DISP1: variants seen among roughly 807,000 people sequenced by gnomAD.
DISP1 encodes the protein dispatched RND transporter family member 1.
A neutral mutation model predicts 37.3 loss-of-function variants in DISP1; 30 were observed. That is an observed-to-expected ratio of 0.80 (90% CI 0.60 to 1.09). The LOEUF (loss-of-function observed/expected upper bound fraction) is 1.09, where lower values mean the gene tolerates loss of function less well. Ranked by LOEUF, DISP1 falls within the 50% of genes least tolerant of loss-of-function variation. DISP1 has a pLI of 0.00. For synonymous variants in DISP1, 634 were observed against 690.2 expected, an observed-to-expected ratio of 0.92 and a Z score of 1.28; for missense variants, 1,598 against 1,879.5, an observed-to-expected ratio of 0.85 and a Z score of 2.77.
intron 8 of DISP1, among the ~76,000 whole-genome samples, chr1:223,000,940 A>C (rs958924498): frequency 6.6e-5 from 10 of 152,218 alleles, no homozygotes; most frequent in African/African-American, 2.4e-4. Context: ...TCCCTGGAAC[A>C]GCCTTTGGTA....
intron 3 of DISP1, among the ~76,000 whole-genome samples, chr1:222,949,184 A>G (rs1296180746): frequency 6.6e-6 from 1 of 152,162 alleles, no homozygotes; most frequent in Non-Finnish European, 1.5e-5. Context: ...ACTTGAGGTC[A>G]GGAGTTCGAG....
chr1:223,005,740 C>G lies in DISP1; in HGVS notation c.4343C>G (p.Ala1448Gly). 1 of 1,614,068 alleles carries G rather than the reference C, an allele frequency of 6.2e-7. No homozygotes were observed. Among genetic ancestry groups the G allele is most frequent in the Non-Finnish European group, 8.5e-7 (1 of 1,180,024 alleles). ...KVELSLSQTD[A>G]SVNSEHFNQN... is the part of the protein sequence containing the mutation. ...GAGCTGAGCTTGTCACAGACGGATG[C>G]AAGTGTGAACTCAGAACATTTCAAT... Residue 1448 changes from alanine to glycine, a missense_variant, in exon 9 of 9, where the codon GCA becomes GGA. Coordinates refer to ENST00000675850, the MANE Select transcript of DISP1 (RefSeq NM_001377229.1).
intron 1 of DISP1, among the ~76,000 whole-genome samples, chr1:222,925,261 C>T (rs73128682): frequency 0.026 from 3,933 of 152,092 alleles, 178 homozygotes; most frequent in African/African-American, 0.088. Context: ...TTAGAGAATA[C>T]AGGTCTTTGG....
chr1:222,987,632 G>A (rs939276286), intron 4 of DISP1, among the ~76,000 whole-genome samples: 2 of 152,208 alleles, frequency 1.3e-5, no homozygotes, highest in African/African-American at 2.4e-5. Flanking sequence ...TGCTATACGT[G>A]TGTGCAGATT....
chr1:222,958,422 C>T (rs1675790254), intron 3 of DISP1, among the ~76,000 whole-genome samples: 2 of 152,138 alleles, frequency 1.3e-5, no homozygotes, highest in Non-Finnish European at 2.9e-5. Flanking sequence ...ACTTGAGCAG[C>T]TACTTTAGTC....
At chr1:222,984,421 A>AAAAATAT (rs1553254646) in intron 4 of DISP1, among the ~76,000 whole-genome samples, 7 of 105,798 alleles carry the variant, frequency 6.6e-5, no homozygotes, top group African/African-American at 2.3e-4. Context: ...AAAAAAAAAA[A>AAAAATAT]ATATATATAT....
chr1:223,005,804 G>A lies in DISP1; in HGVS notation c.4407G>A (p.Gly1469=). The A allele has an allele frequency of 6.2e-7, 1 of 1,614,194 alleles. No homozygotes were observed. Among genetic ancestry groups the A allele is most frequent in the Non-Finnish European group, 8.5e-7 (1 of 1,180,042 alleles). ...EPKVLFNHLM[G]EAGCRSCPNN... ...AAGTCCTATTTAATCATTTAATGGG[G>A]GAGGCTGGTTGTAGGTCTTGCCCAA... Residue 1469 remains glycine (G), a synonymous_variant, in exon 9 of 9, where the codon GGG becomes GGA. Transcript: ENST00000675850.
chr1:222,917,479 A>G (rs959854027), intron 1 of DISP1, among the ~76,000 whole-genome samples: 1 of 152,198 alleles, frequency 6.6e-6, no homozygotes, highest in African/African-American at 2.4e-5. Context: ...GCAGCAATAT[A>G]AGGTCAGTGC....
At position 223,002,820 on chromosome 1, in the gene DISP1, T is replaced by C. The variant is rs1169269704; in HGVS notation, c.1423T>C (p.Trp475Arg). The change falls in exon 9 of 9, where the codon TGG becomes CGG. Residue 475 changes from tryptophan (W) to arginine (R), a missense_variant. Trp to Arg is a moderately radical substitution (Grantham distance 101). Coordinates refer to ENST00000675850, the MANE Select transcript of DISP1 (RefSeq NM_001377229.1). ...MNIYLDNFEN[W>R]NSSDGVTTIT... Reference sequence around the variant, plus strand: ...CATTTACTTGGACAACTTTGAAAACTGGAACTCTTCTGACGGCGTGACTAC... The same window carrying C: ...CATTTACTTGGACAACTTTGAAAACCGGAACTCTTCTGACGGCGTGACTAC... 6.2e-7 allele frequency: 1 copy of C among 1,614,074 alleles called. No homozygotes were observed. Among genetic ancestry groups the C allele is most frequent in the Non-Finnish European group, 8.5e-7 (1 of 1,180,022 alleles).
intron 3 of DISP1, among the ~76,000 whole-genome samples, chr1:222,978,254 GC>G (rs1239047283): frequency 1.3e-5 from 2 of 152,104 alleles, no homozygotes; most frequent in Non-Finnish European, 2.9e-5. Flanking sequence ...GTTTTGATTT[GC>G]ATTTCTCTGA....
chr1:222,829,080 A>G (rs1665117180), intron 1 of DISP1, among the ~76,000 whole-genome samples: 1 of 152,232 alleles, frequency 6.6e-6, no homozygotes, highest in Non-Finnish European at 1.5e-5. Flanking sequence ...AAGAAGCAAC[A>G]GAGGACTTCC....
At position 222,889,204 on chromosome 1, in the gene DISP1, A is replaced by G. The variant is rs370289050; in HGVS notation, c.-158-39226A>G. Among the ~76,000 whole-genome samples the G allele has an allele frequency of 2.4e-4, 37 of 152,234 alleles. 3 individuals carry two copies. Among genetic ancestry groups the G allele is most frequent in the African/African-American group, 5.8e-4 (24 of 41,556 alleles). ...TATTGGGATTCTTCTGAGGTCAAGA[A>G]GTTTTATGTTAAGAACAGGAGAAGA... On this transcript the variant is annotated intron_variant, in intron 1 of 8. Transcript: ENST00000675850.
chr1:222,840,265 C>T (rs1379542114), intron 1 of DISP1, among the ~76,000 whole-genome samples: 1 of 151,766 alleles, frequency 6.6e-6, no homozygotes, highest in South Asian at 2.1e-4. Flanking sequence ...TTTTTTAGAC[C>T]GAGTCTCACT....
intron 4 of DISP1, 74 bp from the exon 5 acceptor site, chr1:222,990,551 G>GGCCTTCTTTGT: frequency 6.2e-7 from 1 of 1,611,240 alleles, no homozygotes; most frequent in Admixed American, 1.7e-5. Context: ...TTCTGCGAAG[G>GGCCTTCTTTGT]GCCTTCTTTG....
rs1056233705 is a variant in DISP1, at chr1:222,815,066, G to A, written c.-171G>A. The A allele has an allele frequency of 6.6e-6, 1 of 152,242 alleles. No individual in the cohort carries two copies. The highest frequency in any genetic ancestry group is 2.1e-4 in the South Asian group (1 of 4,832). The allele number at this position is 152,242 out of a possible 1,614,324, so 9.4% of individuals were successfully genotyped here. ...CCCGGCTCCGGGCCAGCATCCGAGAGCCCGGACTGGAGGTGAGTTCGCAGC... is the reference window on the plus strand; with the variant it reads ...CCCGGCTCCGGGCCAGCATCCGAGAACCCGGACTGGAGGTGAGTTCGCAGC... On this transcript the variant is annotated 5_prime_UTR_variant, in exon 1 of 9. Coordinates refer to ENST00000675850, the MANE Select transcript of DISP1 (RefSeq NM_001377229.1).
rs77445172 is a variant in DISP1 at position 222,841,198 on chromosome 1, C to A, written c.-159+26120C>A. ...TTCTTTTGTTAGCATATTTTATTTTCTTTCTCTACATATTTGACTCCTTCC... is the reference window on the plus strand; with the variant it reads ...TTCTTTTGTTAGCATATTTTATTTTATTTCTCTACATATTTGACTCCTTCC... On this transcript the variant is annotated intron_variant, in intron 1 of 8. Coordinates refer to ENST00000675850, the MANE Select transcript of DISP1 (RefSeq NM_001377229.1). Among the ~76,000 whole-genome samples the A allele has an allele frequency of 1.3e-4, 20 of 152,168 alleles. No individual in the cohort carries two copies. In the East Asian group the frequency reaches 2.5e-3, roughly 19 times the overall value.
intron 1 of DISP1, among the ~76,000 whole-genome samples, chr1:222,903,806 C>A (rs551708418): frequency 6.6e-6 from 1 of 152,172 alleles, no homozygotes; most frequent in Non-Finnish European, 1.5e-5. Context: ...GTATCAGATA[C>A]CTAAGCCATT....
At chr1:222,953,402 G>A (rs1675370322) in intron 3 of DISP1, among the ~76,000 whole-genome samples, 1 of 152,142 alleles carries the variant, frequency 6.6e-6, no homozygotes. Flanking sequence ...TTTAAATAAA[G>A]ACATGATGTG....
chr1:222,936,798 T>TATATAA (rs1337794006), intron 2 of DISP1, among the ~76,000 whole-genome samples: 3 of 42,188 alleles, frequency 7.1e-5, no homozygotes, highest in South Asian at 1.5e-3. Context: ...ATATATAATA[T>TATATAA]ATTATATATA....
Sources: gnomAD v4.1 joint callset for allele counts (sites outside exome capture counted in the v4.1 genomes callset) on GRCh38, gnomAD v4.1.1 for gene constraint, MANE v1.5 for transcripts, NCBI Gene and HGNC (gene_info 2026-07-23, HGNC 2026-07-21) for gene names.